The following CYP7B1 variants were observed in gnomAD, a reference collection of about 807,000 sequenced individuals.
CYP7B1 encodes the protein cytochrome P450 7B1.
CYP7B1 carries 29 observed loss-of-function variants against 42.7 expected under a neutral mutation model. The ratio of observed to expected loss-of-function variants is 0.68; its 90% CI spans 0.51 to 0.93. The LOEUF (loss-of-function observed/expected upper bound fraction) is 0.93. CYP7B1 is among the 40% of genes least tolerant of loss of function. CYP7B1 has a pLI of 0.00. For missense variants in CYP7B1, 655 were observed against 600.5 expected, an observed-to-expected ratio of 1.09 and a Z score of -0.95; for synonymous variants, 235 against 218.2, an observed-to-expected ratio of 1.08 and a Z score of -0.68.
chr8:64,733,481 A>G (rs1461404140), intron 1 of CYP7B1, among the ~76,000 whole-genome samples: 1 of 152,196 alleles, frequency 6.6e-6, no homozygotes, highest in Non-Finnish European at 1.5e-5. Flanking sequence ...ACTGCCCAGC[A>G]GTAGTGAGCA....
chr8:64,776,658 T>C (rs1804331374), intron 1 of CYP7B1, among the ~76,000 whole-genome samples: 1 of 152,100 alleles, frequency 6.6e-6, no homozygotes, highest in South Asian at 2.1e-4. Flanking sequence ...CCCCACAATA[T>C]GGCAGCATGG....
intron 5 of CYP7B1, among the ~76,000 whole-genome samples, chr8:64,601,221 T>C (rs947026247): frequency 6.6e-6 from 1 of 152,234 alleles, no homozygotes; most frequent in African/African-American, 2.4e-5. Context: ...AAGAAGTAGA[T>C]AGGGCAGAAT....
intron 1 of CYP7B1, among the ~76,000 whole-genome samples, chr8:64,738,350 T>C (rs1807520646): frequency 6.6e-6 from 1 of 152,072 alleles, no homozygotes; most frequent in Non-Finnish European, 1.5e-5. Flanking sequence ...AATGTGCTAC[T>C]CTATTAAGAA....
intron 1 of CYP7B1, among the ~76,000 whole-genome samples, chr8:64,714,339 A>G (rs1449122992): frequency 6.6e-6 from 1 of 152,212 alleles, no homozygotes; most frequent in African/African-American, 2.4e-5. Flanking sequence ...ATGTGTGCAA[A>G]TGCATGAACA....
intron 1 of CYP7B1, among the ~76,000 whole-genome samples, chr8:64,725,387 T>A (rs1807308786): frequency 6.6e-6 from 1 of 152,234 alleles, no homozygotes; most frequent in Admixed American, 6.5e-5. Context: ...TCACTGAACG[T>A]CTCTCTCCAC....
chr8:64,675,841 A>G (rs1806438032), intron 1 of CYP7B1, among the ~76,000 whole-genome samples: 1 of 152,144 alleles, frequency 6.6e-6, no homozygotes, highest in Non-Finnish European at 1.5e-5. Flanking sequence ...CACAAAAACC[A>G]ACTTTTGTAT....
intron 2 of CYP7B1, among the ~76,000 whole-genome samples, chr8:64,621,839 G>A (rs572440674): frequency 4.0e-5 from 6 of 150,752 alleles, no homozygotes; most frequent in Non-Finnish European, 5.9e-5. Context: ...GGGTTCAAGC[G>A]ATTCTCTGGC....
intron 1 of CYP7B1, among the ~76,000 whole-genome samples, chr8:64,763,473 A>T (rs1162569192): frequency 2.9e-4 from 44 of 152,246 alleles, no homozygotes; most frequent in Admixed American, 2.9e-3. Context: ...TGGTGGCCTC[A>T]TACAGGGATT....
intron 1 of CYP7B1, among the ~76,000 whole-genome samples, chr8:64,625,893 T>G (rs1366431091): frequency 6.6e-6 from 1 of 152,100 alleles, no homozygotes; most frequent in African/African-American, 2.4e-5. Context: ...ATTATATTCT[T>G]ATATAATAAA....
At chr8:64,754,752 T>C (rs746600151) in intron 1 of CYP7B1, among the ~76,000 whole-genome samples, 1 of 152,178 alleles carries the variant, frequency 6.6e-6, no homozygotes, top group South Asian at 2.1e-4. Context: ...GAAAAGCCCC[T>C]GCAGAGTTTT....
intron 1 of CYP7B1, among the ~76,000 whole-genome samples, chr8:64,676,401 G>C (rs1806446578): frequency 6.6e-6 from 1 of 152,040 alleles, no homozygotes; most frequent in Admixed American, 6.6e-5. Context: ...AGAATATATG[G>C]ACTAAATGGA....
chr8:64,623,113 G>A (rs1212718707), intron 2 of CYP7B1, among the ~76,000 whole-genome samples: 1 of 152,170 alleles, frequency 6.6e-6, no homozygotes, highest in Non-Finnish European at 1.5e-5. Flanking sequence ...TGATGTTGAA[G>A]ATTGTATACA....
At chr8:64,797,537 A>C (rs1328118241) in intron 1 of CYP7B1, among the ~76,000 whole-genome samples, 1 of 152,170 alleles carries the variant, frequency 6.6e-6, no homozygotes, top group African/African-American at 2.4e-5. Flanking sequence ...AAATACTCCT[A>C]GAGTACTCAT....
chr8:64,775,277 C>T (rs894139814), intron 1 of CYP7B1, among the ~76,000 whole-genome samples: 6 of 152,202 alleles, frequency 3.9e-5, no homozygotes, highest in Admixed American at 3.3e-4. Context: ...AGTCTTGAAA[C>T]TATTGTTCTT....
intron 1 of CYP7B1, among the ~76,000 whole-genome samples, chr8:64,649,172 C>A (rs572235629): frequency 1.3e-5 from 2 of 152,266 alleles, no homozygotes; most frequent in East Asian, 3.9e-4. Context: ...CTTCATGAAT[C>A]AATAAATTAA....
chr8:64,617,144 T>C (rs1187559268), intron 2 of CYP7B1, among the ~76,000 whole-genome samples: 1 of 152,222 alleles, frequency 6.6e-6, no homozygotes, highest in Non-Finnish European at 1.5e-5. Flanking sequence ...TTTGAGGTGA[T>C]GACATTTACC....
chr8:64,590,325 A>G (rs1370508539), downstream of CYP7B1, among the ~76,000 whole-genome samples: 1 of 152,222 alleles, frequency 6.6e-6, no homozygotes, highest in East Asian at 1.9e-4. Flanking sequence ...ACGTAGGGTT[A>G]CTAAAAACCC....
chr8:64,662,399 T>A (rs1367935436), intron 1 of CYP7B1, among the ~76,000 whole-genome samples: 1 of 152,138 alleles, frequency 6.6e-6, no homozygotes, highest in Non-Finnish European at 1.5e-5. Flanking sequence ...TGCTTTTGGG[T>A]TAGGCACAGT....
At chr8:64,768,602 A>C (rs1161127495) in intron 1 of CYP7B1, among the ~76,000 whole-genome samples, 1 of 152,222 alleles carries the variant, frequency 6.6e-6, no homozygotes, top group African/African-American at 2.4e-5. Context: ...CTCTGTGCAC[A>C]TGAAACTCTA....
Sources: allele counts gnomAD v4.1 joint callset (sites outside exome capture counted in the v4.1 genomes callset), GRCh38; gene constraint gnomAD v4.1.1; transcripts MANE v1.5; gene names NCBI Gene and HGNC (gene_info 2026-07-23, HGNC 2026-07-21).